NAV2: variants seen among roughly 807,000 people sequenced by gnomAD.
NAV2 encodes the protein neuron navigator 2.
A neutral mutation model predicts 223.2 loss-of-function variants in NAV2; 54 were observed. The observed-to-expected ratio is 0.24, with a 90% CI of 0.19 to 0.30. The LOEUF (loss-of-function observed/expected upper bound fraction) is 0.30, where lower values mean the gene tolerates loss of function less well. Among genes scored for constraint, NAV2 ranks in the 10% least tolerant of loss-of-function variants. The probability of loss-of-function intolerance (pLI) is 1.00; values close to 1 mark genes in which losing one functional copy is unlikely to be tolerated. For synonymous variants in NAV2, 1,279 were observed against 1,239.3 expected (o/e 1.03, Z -0.67); for missense variants, 2,806 against 3,147.5 (o/e 0.89, Z 2.60).
At chr11:19,887,330 C>T (rs754108755) in intron 5 of NAV2, among the ~76,000 whole-genome samples, 19 of 152,040 alleles carry the variant, frequency 1.2e-4, no homozygotes, top group East Asian at 1.9e-4. Flanking sequence ...TATTGCCTCC[C>T]GGCCTCCCTG....
At chr11:19,417,736 C>A (rs764795297) in intron 1 of NAV2, among the ~76,000 whole-genome samples, 1 of 152,044 alleles carries the variant, frequency 6.6e-6, no homozygotes, top group Non-Finnish European at 1.5e-5. Flanking sequence ...ATAAAGACAA[C>A]GTGACACATA....
chr11:19,426,265 G>T (rs1850822074), intron 1 of NAV2, among the ~76,000 whole-genome samples: 1 of 152,146 alleles, frequency 6.6e-6, no homozygotes, highest in Admixed American at 6.5e-5. Flanking sequence ...CAAAGAAGGG[G>T]TCAGATGGGT....
intron 1 of NAV2, among the ~76,000 whole-genome samples, chr11:19,501,577 C>A (rs1272291967): frequency 6.6e-6 from 1 of 151,906 alleles, no homozygotes; most frequent in Non-Finnish European, 1.5e-5. Flanking sequence ...TATGTTGAGC[C>A]CAAAACATTT....
rs1305706091 is a variant in NAV2 at position 20,049,042 on chromosome 11, G to A, written c.4217G>A (p.Ser1406Asn). The change falls in exon 15 of 38, where the codon AGC (serine) becomes AAC (asparagine). Residue 1406 changes from serine to asparagine, a missense_variant. This residue lies in a region of NAV2 where 742 missense variants were observed against 777.9 expected (regional missense o/e 0.95). Transcript: ENST00000349880. ...GGCCTGGGCTTTCAGTCTGTCAGCA[G>A]CCTCCACACCAGCTGTGAGTCCATC... ...KDGLGFQSVSSLHTSCESIDI... is the reference protein window; with the variant it reads ...KDGLGFQSVSNLHTSCESIDI... The A allele has an allele frequency of 1.9e-6, 3 of 1,614,136 alleles. No homozygotes were observed. The highest frequency in any genetic ancestry group is 2.7e-5 in the African/African-American group (2 of 75,026).
chr11:19,713,721 A>C lies in NAV2; in HGVS notation c.26A>C (p.Lys9Thr), dbSNP rs1288286466. 21 of 1,581,094 alleles carry C rather than the reference A, an allele frequency of 1.3e-5. No homozygotes were observed. The highest frequency in any genetic ancestry group is 1.9e-4 in the Middle Eastern group (1 of 5,402). The change falls in exon 1 of 38, where the codon AAA (lysine) becomes ACA (threonine). Residue 9 changes from lysine (K) to threonine (T), a missense_variant. Physicochemically the swap from Lys to Thr is moderately conservative, Grantham distance 78. Transcript: ENST00000349880. The surrounding 1 kb of genome is among the most constrained non-coding windows in gnomAD (Gnocchi z 7.2). ...ATGCCGGCCATCCTGGTCGCCTCCA[A>C]AATGAAGTCGGGACTGCCCAAACCC... MPAILVAS[K>T]MKSGLPKPVH...
chr11:19,631,796 C>A (rs781121348), intron 1 of NAV2, among the ~76,000 whole-genome samples: 14 of 152,234 alleles, frequency 9.2e-5, no homozygotes, highest in Non-Finnish European at 1.5e-4. Flanking sequence ...TGGCTTGTGG[C>A]TGGAGTTTGC....
In NAV2 at chr11:19,884,183, G is replaced by A. The variant is rs762991907; in HGVS notation, c.770+4056G>A. ...GTCATAGAAAACAGTGGGCAGGGGGGGAAAGAAACAGCAACATCCCCATTG... is the reference window on the plus strand; with the variant it reads ...GTCATAGAAAACAGTGGGCAGGGGGAGAAAGAAACAGCAACATCCCCATTG... On this transcript the variant is annotated intron_variant, in intron 5 of 37. Transcript: ENST00000349880. 9.0e-5 allele frequency: 66 copies of A among 733,988 alleles called. 1 individual carries two copies. In the Middle Eastern group the frequency reaches 3.5e-3, roughly 39 times the overall value. 45.5% of individuals were successfully genotyped at this position (733,988 alleles called of 1,614,324 possible). A position where few individuals can be genotyped will look rare whatever the true frequency, so the allele number is the denominator to read the frequency against.
intron 19 of NAV2, among the ~76,000 whole-genome samples, chr11:20,061,337 A>AGCTGGGTGGATCACCGGAG (rs1554937789): frequency 6.6e-6 from 1 of 151,362 alleles, no homozygotes; most frequent in Non-Finnish European, 1.5e-5. Flanking sequence ...TGGGAGGCCA[A>AGCTGGGTGGATCACCGGAG]GCTGGGTGGA....
At chr11:20,049,540 G>A (rs2057770833) in intron 15 of NAV2, among the ~76,000 whole-genome samples, 1 of 151,864 alleles carries the variant, frequency 6.6e-6, no homozygotes, top group Non-Finnish European at 1.5e-5. Context: ...TGTGCAAGCA[G>A]AGCAGGTGAC....
At chr11:19,490,158 A>G (rs1252990410) in intron 1 of NAV2, among the ~76,000 whole-genome samples, 1 of 152,200 alleles carries the variant, frequency 6.6e-6, no homozygotes, top group Non-Finnish European at 1.5e-5. Flanking sequence ...AGTGAGTCAC[A>G]ATCTTTTTGC....
intron 4 of NAV2, among the ~76,000 whole-genome samples, chr11:19,875,968 A>G (rs1380519047): frequency 6.6e-6 from 1 of 152,140 alleles, no homozygotes; most frequent in Non-Finnish European, 1.5e-5. Context: ...CTCAGCCAAA[A>G]AAGGGAAGTA....
At chr11:20,044,843 CT>C (rs1445382328) in intron 13 of NAV2, 124 bp from the exon 14 acceptor site, 1 of 703,756 alleles carries the variant, frequency 1.4e-6, no homozygotes, top group African/African-American at 1.8e-5. Context: ...TTATAAAAAG[CT>C]CTTTCCTCTG....
chr11:19,749,752 C>G (rs2053652768), intron 1 of NAV2, among the ~76,000 whole-genome samples: 1 of 152,188 alleles, frequency 6.6e-6, no homozygotes, highest in African/African-American at 2.4e-5. Flanking sequence ...TTTCTGGGAT[C>G]ACAGCATTCA....
intron 36 of NAV2, among the ~76,000 whole-genome samples, chr11:20,113,608 C>A (rs1784772518): frequency 6.6e-6 from 1 of 152,186 alleles, no homozygotes; most frequent in East Asian, 1.9e-4. Flanking sequence ...CTCATAATTT[C>A]ACTGCCTATG....
Position 19,897,886 on chromosome 11 carries a change from T to TTATATATATATA in NAV2, c.931+5300_931+5311dup, listed in dbSNP as rs10524489. On this transcript the variant is annotated intron_variant, in intron 6 of 37. Coordinates refer to ENST00000349880, the MANE Select transcript of NAV2 (RefSeq NM_145117.5). ...GCCACAGCTGTGCCTGACCTGTGAT[T>TTATATATATATA]TATATATATATATATATATGTGAGC... Among the ~76,000 whole-genome samples, 353 of 120,664 alleles carry TTATATATATATA rather than the reference T, an allele frequency of 2.9e-3. 35 individuals carry two copies. Among genetic ancestry groups the TTATATATATATA allele is most frequent in the South Asian group, 8.6e-3 (27 of 3,156 alleles). The allele number at this position is 120,664 out of a possible 152,430, so 79.2% of individuals were successfully genotyped here.
intron 10 of NAV2, among the ~76,000 whole-genome samples, chr11:19,966,653 A>G (rs560305221): frequency 6.6e-6 from 1 of 152,020 alleles, no homozygotes; most frequent in East Asian, 1.9e-4. Flanking sequence ...CTCCCCATCA[A>G]TTACCACCCA....
chr11:19,913,333 C>G (rs2707101), intron 6 of NAV2, among the ~76,000 whole-genome samples: 22 of 152,174 alleles, frequency 1.4e-4, no homozygotes, highest in Admixed American at 5.9e-4. Flanking sequence ...TGTGGGGGAG[C>G]CTTTCCCAGT....
chr11:19,946,042 C>T (rs569112984), intron 8 of NAV2, among the ~76,000 whole-genome samples: 8 of 152,356 alleles, frequency 5.3e-5, no homozygotes, highest in Admixed American at 1.3e-4. Flanking sequence ...ATGCTTCACT[C>T]ATTTTTGCAT....
In NAV2 at chr11:19,713,495, C is replaced by T; in HGVS notation, c.-201C>T. On this transcript the variant is annotated 5_prime_UTR_variant, in exon 1 of 38. Coordinates refer to ENST00000349880, the MANE Select transcript of NAV2 (RefSeq NM_145117.5). This position sits in a 1 kb window ranked among gnomAD's most constrained non-coding sequence, Gnocchi z 7.2. ...CCGCTGAGCGCCGTGGCCAGTCCCC[C>T]ATTCCCATCCCGGCACCCCAAAGGC... is the stretch of plus-strand genomic sequence containing the variant. 1 of 1,378,854 alleles carries T rather than the reference C, an allele frequency of 7.3e-7. No homozygotes were observed. Among genetic ancestry groups the T allele is most frequent in the Non-Finnish European group, 9.3e-7 (1 of 1,072,342 alleles). The allele number at this position is 1,378,854 out of a possible 1,614,324, so 85.4% of individuals were successfully genotyped here.
Sources: gnomAD v4.1 joint callset for allele counts (sites outside exome capture counted in the v4.1 genomes callset) on GRCh38, gnomAD v4.1.1 for gene constraint, gnomAD v4.1.1 regional missense constraint, Gnocchi (gnomAD v3.1) non-coding constraint, MANE v1.5 for transcripts, NCBI Gene and HGNC (gene_info 2026-07-23, HGNC 2026-07-21) for gene names.